Variants in GALNT18 observed in about 807,000 individuals in gnomAD.
GALNT18 encodes polypeptide N-acetylgalactosaminyltransferase 18, also known as GalNAc-transferase 18.
In GALNT18, 44 loss-of-function variants were observed where a neutral mutation model predicts 69.5. The ratio of observed to expected loss-of-function variants is 0.63; its 90% CI spans 0.50 to 0.81. The LOEUF (loss-of-function observed/expected upper bound fraction) is 0.81. GALNT18 is among the 40% of genes least tolerant of loss of function. The probability of loss-of-function intolerance (pLI) is 0.00; values close to 1 mark genes in which losing one functional copy is unlikely to be tolerated. For missense variants in GALNT18, 715 were observed against 810.0 expected, an observed-to-expected ratio of 0.88 and a Z score of 1.42; for synonymous variants, 364 against 318.2, an observed-to-expected ratio of 1.14 and a Z score of -1.53.
At chr11:11,277,600 A>C (rs1848976523) in intron 10 of GALNT18, among the ~76,000 whole-genome samples, 1 of 152,058 alleles carries the variant, frequency 6.6e-6, no homozygotes, top group African/African-American at 2.4e-5. Flanking sequence ...TTAGGGTGTC[A>C]ATTTTAGATC....
At chr11:11,554,429 T>C (rs988591136) in intron 1 of GALNT18, among the ~76,000 whole-genome samples, 2 of 151,628 alleles carry the variant, frequency 1.3e-5, no homozygotes, top group Admixed American at 6.6e-5. Context: ...TCTTTCAGCA[T>C]GTCTTTCATG....
chr11:11,536,846 T>A (rs1013022211), intron 1 of GALNT18, among the ~76,000 whole-genome samples: 2 of 152,216 alleles, frequency 1.3e-5, no homozygotes, highest in Non-Finnish European at 2.9e-5. Flanking sequence ...CAGAGCTTCA[T>A]AAAGTGGTGC....
rs11021928 is a variant in GALNT18 at position 11,555,377 on chromosome 11, A to T, written c.235+65982T>A. Among the ~76,000 whole-genome samples, 3 of 152,078 alleles carry T rather than the reference A, an allele frequency of 2.0e-5. No individual in the cohort carries two copies. On this transcript the variant is annotated intron_variant, in intron 1 of 10. Transcript: ENST00000227756. This position sits in a 1 kb window ranked among gnomAD's most constrained non-coding sequence, Gnocchi z 4.7. ...TCTCATCTTCCCCAACCCCAGCTTA[A>T]TCCACGCTCCAGTGCTTAGGAGCTC...
At chr11:11,552,474 T>C (rs1164238641) in intron 1 of GALNT18, among the ~76,000 whole-genome samples, 1 of 152,196 alleles carries the variant, frequency 6.6e-6, no homozygotes, top group East Asian at 1.9e-4. Context: ...GGGACAACAG[T>C]TGTGACAACT....
intron 10 of GALNT18, among the ~76,000 whole-genome samples, chr11:11,284,013 G>A (rs748767275): frequency 1.3e-4 from 20 of 151,760 alleles, no homozygotes; most frequent in Non-Finnish European, 2.5e-4. Flanking sequence ...AGCAAAGAAC[G>A]TAGGACTCTG....
rs1022812767 is a variant in GALNT18 at position 11,402,354 on chromosome 11, G to A, written c.596-23090C>T. 1.3e-5 allele frequency among the ~76,000 whole-genome samples: 2 copies of A among 152,218 alleles called. No homozygotes were observed. The highest frequency in any genetic ancestry group is 1.9e-4 in the East Asian group (1 of 5,196). On this transcript the variant is annotated intron_variant, in intron 3 of 10. Coordinates refer to ENST00000227756, the MANE Select transcript of GALNT18 (RefSeq NM_198516.3). The surrounding 1 kb of genome is among the most constrained non-coding windows in gnomAD (Gnocchi z 4.0). ...AAAAATAACTGTTGTCATTGTGGGC[G>A]TAGACATGTTTTAATCCATGATGAC...
intron 1 of GALNT18, among the ~76,000 whole-genome samples, chr11:11,457,631 C>T (rs973121829): frequency 6.6e-6 from 1 of 152,196 alleles, no homozygotes; most frequent in Admixed American, 6.5e-5. Flanking sequence ...GGCTGAGGAC[C>T]CCTGGCCCGC....
At chr11:11,599,473 C>T (rs1467040522) in intron 1 of GALNT18, among the ~76,000 whole-genome samples, 2 of 151,898 alleles carry the variant, frequency 1.3e-5, no homozygotes, top group African/African-American at 4.8e-5. Context: ...CTTTCTCTTT[C>T]AAATTATTTA....
At position 11,415,838 on chromosome 11, in the gene GALNT18, G is replaced by A. The variant is rs17437666; in HGVS notation, c.595+16783C>T. On this transcript the variant is annotated intron_variant, in intron 3 of 10. Transcript: ENST00000227756. The surrounding 1 kb of genome is among the most constrained non-coding windows in gnomAD (Gnocchi z 4.1). The stretch of plus-strand genomic sequence containing the variant: ...ATTCAGGAATTCAGCAAGCAGCAAC[G>A]CTCTCCACTGTTGGACTCACATGTC... Among the ~76,000 whole-genome samples the A allele has an allele frequency of 0.084, 12,758 of 152,220 alleles. 624 individuals are homozygous for A. The highest frequency in any genetic ancestry group is 0.15 in the Admixed American group (2,265 of 15,286).
At chr11:11,390,680 T>C (rs1036108362) in intron 3 of GALNT18, among the ~76,000 whole-genome samples, 1 of 152,210 alleles carries the variant, frequency 6.6e-6, no homozygotes, top group African/African-American at 2.4e-5. Context: ...AGGACCTTTT[T>C]CTCTGCTTCA....
At chr11:11,280,309 A>G (rs1240756259) in intron 10 of GALNT18, among the ~76,000 whole-genome samples, 1 of 152,152 alleles carries the variant, frequency 6.6e-6, no homozygotes, top group Non-Finnish European at 1.5e-5. Context: ...AGGGCCCTGG[A>G]ATCCCCATGC....
At chr11:11,288,058 C>T (rs1849226195) in intron 10 of GALNT18, among the ~76,000 whole-genome samples, 1 of 152,158 alleles carries the variant, frequency 6.6e-6, no homozygotes, top group Non-Finnish European at 1.5e-5. Context: ...TGTTTCTAGC[C>T]TCTTTCCTTC....
chr11:11,423,272 C>T (rs531833520), intron 3 of GALNT18, among the ~76,000 whole-genome samples: 4 of 151,124 alleles, frequency 2.6e-5, no homozygotes, highest in South Asian at 4.2e-4. Flanking sequence ...GTATGTAACA[C>T]GATACACATG....
Position 11,562,711 on chromosome 11 carries a change from G to A in GALNT18, c.235+58648C>T, listed in dbSNP as rs1457894735. Reference sequence around the variant, plus strand: ...GTATTACATATTATGAAATTCCGTAGGGAGAAAGGCTCAACCACGCATTAA... The same window carrying A: ...GTATTACATATTATGAAATTCCGTAAGGAGAAAGGCTCAACCACGCATTAA... On this transcript the variant is annotated intron_variant, in intron 1 of 10. Coordinates refer to ENST00000227756, the MANE Select transcript of GALNT18 (RefSeq NM_198516.3). This position sits in a 1 kb window ranked among gnomAD's most constrained non-coding sequence, Gnocchi z 4.1. Among the ~76,000 whole-genome samples, 1 of 152,180 alleles carries A rather than the reference G, an allele frequency of 6.6e-6. No homozygotes were observed. The highest frequency in any genetic ancestry group is 2.4e-5 in the African/African-American group (1 of 41,446).
At position 11,339,610 on chromosome 11, in the gene GALNT18, G is replaced by T. The variant is rs1850168224; in HGVS notation, c.1278+1209C>A. 6.6e-6 allele frequency among the ~76,000 whole-genome samples: 1 copy of T among 152,166 alleles called. No homozygotes were observed. The highest frequency in any genetic ancestry group is 6.5e-5 in the Admixed American group (1 of 15,284). On this transcript the variant is annotated intron_variant, in intron 7 of 10. Transcript: ENST00000227756. The surrounding 1 kb of genome is among the most constrained non-coding windows in gnomAD (Gnocchi z 5.2). ...CCTGACCATGAGTCCAGAAGGTAAT[G>T]CAGTTCCCCAGAAACACTCTTACTG...
intron 2 of GALNT18, among the ~76,000 whole-genome samples, chr11:11,434,744 G>A (rs1029860786): frequency 4.6e-5 from 7 of 152,084 alleles, no homozygotes; most frequent in African/African-American, 1.7e-4. Flanking sequence ...GGAATAGGGA[G>A]GTGAGGGGAG....
chr11:11,486,408 A>G (rs1360382977), intron 1 of GALNT18, among the ~76,000 whole-genome samples: 1 of 152,208 alleles, frequency 6.6e-6, no homozygotes, highest in East Asian at 1.9e-4. Context: ...GCACCCCAGG[A>G]CACTTGCACC....
intron 1 of GALNT18, among the ~76,000 whole-genome samples, chr11:11,570,408 T>A (rs1319760579): frequency 2.0e-5 from 3 of 152,174 alleles, no homozygotes; most frequent in African/African-American, 7.2e-5. Context: ...CCTCACATGA[T>A]CTAGCCTCTG....
At chr11:11,371,048 C>T (rs1850890608) in intron 6 of GALNT18, among the ~76,000 whole-genome samples, 1 of 152,172 alleles carries the variant, frequency 6.6e-6, no homozygotes, top group Non-Finnish European at 1.5e-5. Flanking sequence ...CATTAGCTCC[C>T]CAATAAGCCC....
Sources: allele counts gnomAD v4.1 joint callset (sites outside exome capture counted in the v4.1 genomes callset), GRCh38; gene constraint gnomAD v4.1.1; non-coding constraint Gnocchi (gnomAD v3.1); transcripts MANE v1.5; gene names NCBI Gene and HGNC (gene_info 2026-07-23, HGNC 2026-07-21).